The following CELF5 variants were observed in gnomAD, a reference collection of about 807,000 sequenced individuals.
CELF5 encodes the protein CUG-BP and ETR-3 like factor 5.
Under a neutral mutation model 54.9 loss-of-function variants are expected in CELF5, and 6 were observed. The ratio of observed to expected loss-of-function variants is 0.11; its 90% CI spans 0.06 to 0.22. The LOEUF is 0.22. Among genes scored for constraint, CELF5 ranks in the 10% least tolerant of loss-of-function variants. The probability of loss-of-function intolerance (pLI) is 1.00; values close to 1 mark genes in which losing one functional copy is unlikely to be tolerated. For synonymous variants in CELF5, 271 were observed against 290.9 expected (o/e 0.93, Z 0.70); for missense variants, 401 against 678.6 (o/e 0.59, Z 4.54).
intron 2 of CELF5, among the ~76,000 whole-genome samples, chr19:3,251,696 A>T (rs1159963451): frequency 1.8e-5 from 2 of 111,756 alleles, no homozygotes; most frequent in Non-Finnish European, 3.3e-5. Flanking sequence ...TGTTGTTGAG[A>T]TGGAGTCTCG....
chr19:3,282,599 A>G lies in CELF5; in HGVS notation c.1039+101A>G. The G allele has an allele frequency of 3.7e-6, 5 of 1,360,254 alleles. No individual in the cohort carries two copies. The highest frequency in any genetic ancestry group is 5.0e-6 in the Non-Finnish European group (5 of 1,002,268). The allele number at this position is 1,360,254 out of a possible 1,614,324, so 84.3% of individuals were successfully genotyped here. A position where few individuals can be genotyped will look rare whatever the true frequency, so the allele number is the denominator to read the frequency against. On this transcript the variant is annotated intron_variant, in intron 8 of 12. Transcript: ENST00000292672. The surrounding 1 kb of genome is among the most constrained non-coding windows in gnomAD (Gnocchi z 5.2). ...CCCTACATCACAGTGCCCAGGGAACAGAAGGGCAGGAAAAAGGGTGTCTCC... is the reference window on the plus strand; with the variant it reads ...CCCTACATCACAGTGCCCAGGGAACGGAAGGGCAGGAAAAAGGGTGTCTCC...
intron 2 of CELF5, among the ~76,000 whole-genome samples, chr19:3,255,957 C>T (rs1479760895): frequency 3.3e-5 from 5 of 151,044 alleles, no homozygotes; most frequent in Admixed American, 1.3e-4. Flanking sequence ...CCCAGCTACT[C>T]GGGAGGCTGA....
At chr19:3,235,348 A>G (rs1037032662) in intron 1 of CELF5, among the ~76,000 whole-genome samples, 1 of 151,416 alleles carries the variant, frequency 6.6e-6, no homozygotes, top group Non-Finnish European at 1.5e-5. Context: ...GACCTCTAAC[A>G]TACTATATAT....
At chr19:3,249,967 T>A (rs1270144868) in intron 1 of CELF5, among the ~76,000 whole-genome samples, 1 of 152,266 alleles carries the variant, frequency 6.6e-6, no homozygotes, top group East Asian at 1.9e-4. Flanking sequence ...ATCTCTTTTC[T>A]GAGCTCAGCC....
chr19:3,240,419 G>A (rs1442581517), intron 1 of CELF5, among the ~76,000 whole-genome samples: 13 of 151,314 alleles, frequency 8.6e-5, no homozygotes, highest in African/African-American at 3.2e-4. Flanking sequence ...TCTGCCTCCC[G>A]GGTTCAAGAG....
At chr19:3,280,573 C>T (rs1436262083) in intron 5 of CELF5, among the ~76,000 whole-genome samples, 10 of 152,122 alleles carry the variant, frequency 6.6e-5, no homozygotes. Context: ...GAAACTCCGT[C>T]TCAAAACAAA....
chr19:3,285,465 A>C, intron 9 of CELF5, among the ~76,000 whole-genome samples: 3 of 120,046 alleles, frequency 2.5e-5, no homozygotes, highest in Admixed American at 8.6e-5. Flanking sequence ...CCCTTAACTC[A>C]TGGTCCTGCC....
rs180861156 is a variant in CELF5 at position 3,227,326 on chromosome 19, T to G, written c.259+2328T>G. On this transcript the variant is annotated intron_variant, in intron 1 of 12. Transcript: ENST00000292672. Reference sequence around the variant, plus strand: ...TCTCTGGGCCTTGGCTGAAGGGAGGTGGAATGGTGAATGGGAAGTCAGGAT... The same window carrying G: ...TCTCTGGGCCTTGGCTGAAGGGAGGGGGAATGGTGAATGGGAAGTCAGGAT... Among the ~76,000 whole-genome samples the G allele has an allele frequency of 4.3e-3, 645 of 151,172 alleles. 4 individuals carry two copies. Among genetic ancestry groups the G allele is most frequent in the Middle Eastern group, 6.8e-3 (2 of 294 alleles).
intron 4 of CELF5, among the ~76,000 whole-genome samples, chr19:3,277,456 A>G (rs968615629): frequency 6.6e-6 from 1 of 152,190 alleles, no homozygotes; most frequent in African/African-American, 2.4e-5. Context: ...TGGGTGACGG[A>G]GCAAGACTCT....
chr19:3,256,830 A>C (rs2079734359), intron 2 of CELF5, among the ~76,000 whole-genome samples: 2 of 151,416 alleles, frequency 1.3e-5, no homozygotes, highest in Admixed American at 1.3e-4. Flanking sequence ...GGCCTCCTAA[A>C]GTGCTGGGAT....
Position 3,293,562 on chromosome 19 carries a change from G to A in CELF5, c.*40+76G>A, listed in dbSNP as rs971501427. ...AACCCCCTCCCGCGGCCCACTTCAT[G>A]CTCCAAACCCTCCCCAGGTGGGGTG... On this transcript the variant is annotated intron_variant, in intron 12 of 12. Coordinates refer to ENST00000292672, the MANE Select transcript of CELF5 (RefSeq NM_021938.4). 6.4e-6 allele frequency: 8 copies of A among 1,249,672 alleles called. No individual in the cohort carries two copies. In the African/African-American group the frequency reaches 1.2e-4, roughly 19 times the overall value. The allele number at this position is 1,249,672 out of a possible 1,614,324, so 77.4% of individuals were successfully genotyped here. A position where few individuals can be genotyped will look rare whatever the true frequency, so the allele number is the denominator to read the frequency against.
rs546766925 is a variant in CELF5, at chr19:3,285,180, A to G, written c.1102+216A>G. 8.4e-4 allele frequency among the ~76,000 whole-genome samples: 127 copies of G among 151,020 alleles called. 2 individuals carry two copies. The highest frequency in any genetic ancestry group is 3.0e-3 in the African/African-American group (124 of 41,022). On this transcript the variant is annotated intron_variant, in intron 9 of 12. Transcript: ENST00000292672. ...CCCACCACCACCTATACCCGCAAAC[A>G]GGACCTTCCCTTGTCCTTTAAGGAC... is the stretch of plus-strand genomic sequence containing the variant.
intron 2 of CELF5, among the ~76,000 whole-genome samples, chr19:3,259,604 C>T (rs1021587678): frequency 9.2e-5 from 14 of 152,084 alleles, no homozygotes; most frequent in African/African-American, 3.4e-4. Flanking sequence ...ACTCAGGGTG[C>T]GGATTTTAAT....
chr19:3,297,031 A>AC lies in CELF5; in HGVS notation c.*314_*315insC. On this transcript the variant is annotated 3_prime_UTR_variant, in exon 13 of 13. Transcript: ENST00000292672. ...TTGGTCTGGAGAAAAAAAAAAAAAA[A>AC]AAAAAACAACTAAAAATTTATTTAA... is the stretch of plus-strand genomic sequence containing the variant. The AC allele has an allele frequency of 6.6e-6, 1 of 151,454 alleles. No homozygotes were observed. The allele number at this position is 151,454 out of a possible 1,614,324, so 9.4% of individuals were successfully genotyped here. A position where few individuals can be genotyped will look rare whatever the true frequency, so the allele number is the denominator to read the frequency against.
Position 3,282,081 on chromosome 19 carries a change from C to G in CELF5, c.751-45C>G. ...CAAGCCTCCCCTCATAAGCCATGAT[C>G]TCAGGGCAGATATCACCCCAACTGT... On this transcript the variant is annotated intron_variant, in intron 6 of 12. Transcript: ENST00000292672. The surrounding 1 kb of genome is among the most constrained non-coding windows in gnomAD (Gnocchi z 5.2). The G allele has an allele frequency of 6.2e-7, 1 of 1,610,848 alleles. No individual in the cohort carries two copies. The highest frequency in any genetic ancestry group is 1.1e-5 in the South Asian group (1 of 90,988).
intron 2 of CELF5, 87 bp from the exon 3 acceptor site, chr19:3,273,785 G>C: frequency 1.0e-6 from 1 of 957,532 alleles, no homozygotes; most frequent in Non-Finnish European, 1.7e-6. Context: ...AGGTGGGCAG[G>C]GCTGGCCTGC....
At chr19:3,245,940 A>G (rs4807431) in intron 1 of CELF5, among the ~76,000 whole-genome samples, 16,702 of 152,260 alleles carry the variant, frequency 0.11, 1,013 homozygotes, top group East Asian at 0.26. Flanking sequence ...ATTAGTGAAG[A>G]TGAAGCACTA....
chr19:3,295,946 T>G (rs970268916), intron 12 of CELF5: 6 of 152,314 alleles, frequency 3.9e-5, no homozygotes, highest in African/African-American at 1.4e-4. Flanking sequence ...AGCCTCGAAT[T>G]TAAGGTCTTG....
chr19:3,267,089 A>ATG (rs72295446), intron 2 of CELF5, among the ~76,000 whole-genome samples: 90 of 147,164 alleles, frequency 6.1e-4, no homozygotes, highest in Middle Eastern at 3.4e-3. Flanking sequence ...GCGTGTGTGC[A>ATG]TGTGTGTGTG....
Sources: allele counts gnomAD v4.1 joint callset (sites outside exome capture counted in the v4.1 genomes callset), GRCh38; gene constraint gnomAD v4.1.1; non-coding constraint Gnocchi (gnomAD v3.1); transcripts MANE v1.5; gene names NCBI Gene and HGNC (gene_info 2026-07-23, HGNC 2026-07-21).